The following F11R variants were observed in gnomAD, a reference collection of about 807,000 sequenced individuals.
F11R encodes the protein junctional adhesion molecule A.
A neutral mutation model predicts 39.3 loss-of-function variants in F11R; 27 were observed. The ratio of observed to expected loss-of-function variants is 0.69; its 90% CI spans 0.51 to 0.95. The LOEUF (loss-of-function observed/expected upper bound fraction) is 0.95, where lower values mean the gene tolerates loss of function less well. Ranked by LOEUF, F11R falls within the 40% of genes least tolerant of loss-of-function variation. The pLI is 0.00. For missense variants in F11R, 335 were observed against 372.7 expected (o/e 0.90, Z 0.83); for synonymous variants, 131 against 144.9 (o/e 0.90, Z 0.69).
intron 1 of F11R, among the ~76,000 whole-genome samples, chr1:161,006,136 T>C (rs1648792330): frequency 7.1e-6 from 1 of 141,526 alleles, no homozygotes. Context: ...AGACTCCATC[T>C]CAAAAAAAAA....
chr1:161,008,638 A>C (rs1648962674), intron 1 of F11R, among the ~76,000 whole-genome samples: 1 of 152,214 alleles, frequency 6.6e-6, no homozygotes, highest in African/African-American at 2.4e-5. Context: ...CAGCCTTTAG[A>C]GTTGGGTGAT....
chr1:161,021,031 A>G lies in F11R; in HGVS notation c.43T>C (p.Phe15Leu). 6.2e-7 allele frequency: 1 copy of G among 1,614,126 alleles called. No homozygotes were observed. The highest frequency in any genetic ancestry group is 8.5e-7 in the Non-Finnish European group (1 of 1,180,014). The change falls in exon 1 of 10, where the codon TTC becomes CTC. Residue 15 changes from phenylalanine to leucine, a missense_variant. Transcript: ENST00000368026. Reference sequence around the variant, plus strand: ...TTACACAACAGGATCGCCAATATGAAGAGGCACAACAGTTTCCTCTCGACT... The same window carrying G: ...TTACACAACAGGATCGCCAATATGAGGAGGCACAACAGTTTCCTCTCGACT... ...AQVERKLLCL[F>L]ILAILLCSLA...
chr1:161,000,095 G>A, intron 5 of F11R, 51 bp downstream of exon 5: 1 of 1,606,716 alleles, frequency 6.2e-7, no homozygotes, highest in Non-Finnish European at 8.5e-7. Flanking sequence ...CACCTTTTGG[G>A]GTTCTATAAC....
intron 1 of F11R, among the ~76,000 whole-genome samples, chr1:161,003,624 T>C (rs1557891086): frequency 6.6e-6 from 1 of 151,800 alleles, no homozygotes; most frequent in Non-Finnish European, 1.5e-5. Context: ...TCGCCCTGGC[T>C]AGAGTGCAGT....
chr1:161,012,579 TGTGTCG>T (rs1649221035), intron 1 of F11R, among the ~76,000 whole-genome samples: 1 of 150,474 alleles, frequency 6.6e-6, no homozygotes, highest in African/African-American at 2.4e-5. Context: ...GAGTTGCTTT[TGTGTCG>T]TTTGAATTAA....
chr1:161,019,306 G>A (rs1190083514), intron 1 of F11R, among the ~76,000 whole-genome samples: 1 of 152,050 alleles, frequency 6.6e-6, no homozygotes, highest in Non-Finnish European at 1.5e-5. Flanking sequence ...AGAAAAAAAG[G>A]AAGACATGGC....
intron 1 of F11R, among the ~76,000 whole-genome samples, chr1:161,009,858 A>G (rs181270267): frequency 2.5e-3 from 378 of 152,078 alleles, no homozygotes; most frequent in Middle Eastern, 6.8e-3. Context: ...CTGGAGAACC[A>G]CTTGAGCCCA....
At chr1:161,009,522 A>T (rs1236139197) in intron 1 of F11R, among the ~76,000 whole-genome samples, 1 of 152,112 alleles carries the variant, frequency 6.6e-6, no homozygotes, top group Non-Finnish European at 1.5e-5. Context: ...AACACTGAGG[A>T]TGTAATTCCT....
chr1:161,013,741 C>G (rs961961981), intron 1 of F11R, among the ~76,000 whole-genome samples: 3 of 152,204 alleles, frequency 2.0e-5, no homozygotes, highest in South Asian at 4.1e-4. Context: ...CTGAGGATGG[C>G]AGAAAGTGGT....
rs1384670123 is a variant in F11R at position 160,995,771 on chromosome 1, A to T, written c.*3100T>A. The T allele has an allele frequency of 1.3e-5, 2 of 151,882 alleles. No homozygotes were observed. Among genetic ancestry groups the T allele is most frequent in the Non-Finnish European group, 2.9e-5 (2 of 67,964 alleles). 9.4% of individuals were successfully genotyped at this position (151,882 alleles called of 1,614,324 possible). A position where few individuals can be genotyped will look rare whatever the true frequency, so the allele number is the denominator to read the frequency against. On this transcript the variant is annotated 3_prime_UTR_variant, in exon 10 of 10. Coordinates refer to ENST00000368026, the MANE Select transcript of F11R (RefSeq NM_016946.6). Reference sequence around the variant, plus strand: ...CTCACACACACACACACACACACACACAAAAATGGTGATGTGTTAATTGAC... The same window carrying T: ...CTCACACACACACACACACACACACTCAAAAATGGTGATGTGTTAATTGAC...
intron 1 of F11R, among the ~76,000 whole-genome samples, chr1:161,006,639 C>G (rs1365202839): frequency 2.0e-5 from 3 of 152,154 alleles, no homozygotes; most frequent in South Asian, 4.1e-4. Context: ...ATACACGAAC[C>G]TCCGCCTTAG....
intron 1 of F11R, among the ~76,000 whole-genome samples, chr1:161,019,273 A>C (rs1259895868): frequency 1.3e-5 from 2 of 152,128 alleles, no homozygotes; most frequent in African/African-American, 2.4e-5. Flanking sequence ...AAGGGAAATT[A>C]AAGAAAAGGG....
At chr1:161,002,261 C>CAAAAA (rs34007325) in intron 1 of F11R, among the ~76,000 whole-genome samples, 4 of 68,656 alleles carry the variant, frequency 5.8e-5, no homozygotes, top group African/African-American at 1.2e-4. Context: ...GACTCAATCT[C>CAAAAA]AAAAAAAAAA....
At chr1:161,001,452 G>A in intron 1 of F11R, 99 bp from the exon 2 acceptor site, 1 of 957,118 alleles carries the variant, frequency 1.0e-6, no homozygotes. Context: ...TCCATTCACA[G>A]ACCCTAAGAG....
chr1:161,005,383 T>C (rs1183358910), intron 1 of F11R, among the ~76,000 whole-genome samples: 1 of 139,028 alleles, frequency 7.2e-6, no homozygotes, highest in Non-Finnish European at 1.5e-5. Context: ...GGCTTACTGC[T>C]TAGGGCCCAG....
chr1:161,006,105 T>TCCAG (rs922699167), intron 1 of F11R, among the ~76,000 whole-genome samples: 1 of 147,768 alleles, frequency 6.8e-6, no homozygotes, highest in African/African-American at 2.5e-5. Flanking sequence ...ACCACTGCAC[T>TCCAG]CCAGCCTGGG....
Position 160,999,680 on chromosome 1 carries a change from A to G in F11R, c.762T>C (p.Val254=). ...LVTLILLGIL[V]FGIWFAYSRG... ...GGCTATAGGCAAACCAGATGCCAAA[A>G]ACCAAGATTCCCAGGAGAATCAGGG... The change falls in exon 7 of 10, where the codon GTT becomes GTC. Residue 254 remains valine, a synonymous_variant. Transcript: ENST00000368026. 1.2e-6 allele frequency: 2 copies of G among 1,614,168 alleles called. No homozygotes were observed. Among genetic ancestry groups the G allele is most frequent in the Non-Finnish European group, 8.5e-7 (1 of 1,180,032 alleles).
intron 1 of F11R, among the ~76,000 whole-genome samples, chr1:161,015,408 ATAT>A (rs1454823188): frequency 1.8e-3 from 77 of 43,084 alleles, no homozygotes; most frequent in African/African-American, 5.6e-3. Flanking sequence ...AAAAAAAAAA[ATAT>A]ATATATATAT....
intron 1 of F11R, among the ~76,000 whole-genome samples, chr1:161,020,446 G>A (rs1439088190): frequency 6.6e-6 from 1 of 152,200 alleles, no homozygotes; most frequent in East Asian, 1.9e-4. Flanking sequence ...TTTAGACTGT[G>A]CACCCAGACA....
Sources: gnomAD v4.1 joint callset for allele counts (sites outside exome capture counted in the v4.1 genomes callset) on GRCh38, gnomAD v4.1.1 for gene constraint, MANE v1.5 for transcripts, NCBI Gene and HGNC (gene_info 2026-07-23, HGNC 2026-07-21) for gene names.